AGBL4: variants seen among roughly 807,000 people sequenced by gnomAD.
AGBL4 encodes the protein cytosolic carboxypeptidase 6.
In AGBL4, 58 loss-of-function variants were observed where a neutral mutation model predicts 66.4. The observed-to-expected ratio is 0.87, with a 90% CI of 0.71 to 1.09. The LOEUF is 1.09. Among genes scored for constraint, AGBL4 ranks in the 50% least tolerant of loss-of-function variants. AGBL4 has a pLI of 0.00. For missense variants in AGBL4, 579 were observed against 631.0 expected (o/e 0.92, Z 0.88); for synonymous variants, 234 against 222.9 (o/e 1.05, Z -0.44).
intron 4 of AGBL4, among the ~76,000 whole-genome samples, chr1:49,092,771 TA>T (rs1361721065): frequency 6.6e-6 from 1 of 152,078 alleles, no homozygotes; most frequent in Non-Finnish European, 1.5e-5. Context: ...TAGAGCTTGG[TA>T]CAGAGAAAAT....
intron 9 of AGBL4, among the ~76,000 whole-genome samples, chr1:48,616,063 C>T (rs1410924061): frequency 1.3e-5 from 2 of 152,154 alleles, no homozygotes; most frequent in Non-Finnish European, 2.9e-5. Context: ...GCCCACCTCT[C>T]AATACAATTG....
intron 4 of AGBL4, among the ~76,000 whole-genome samples, chr1:49,219,445 C>T (rs1396628780): frequency 6.6e-6 from 1 of 151,968 alleles, no homozygotes; most frequent in Non-Finnish European, 1.5e-5. Context: ...ACAGTTTCAC[C>T]CCATATCATG....
At chr1:49,459,606 C>T (rs531813514) in intron 3 of AGBL4, among the ~76,000 whole-genome samples, 6 of 151,658 alleles carry the variant, frequency 4.0e-5, no homozygotes, top group African/African-American at 1.4e-4. Context: ...TTTCAAAGAA[C>T]CAGCTTTTTG....
intron 5 of AGBL4, among the ~76,000 whole-genome samples, chr1:49,006,495 C>T (rs867493921): frequency 2.0e-5 from 3 of 152,340 alleles, no homozygotes; most frequent in East Asian, 1.9e-4. Flanking sequence ...AACAAAGCAG[C>T]GGGGAAGCTC....
At chr1:49,352,113 C>A (rs139644862) in intron 3 of AGBL4, among the ~76,000 whole-genome samples, 1 of 152,158 alleles carries the variant, frequency 6.6e-6, no homozygotes, top group Admixed American at 6.5e-5. Context: ...CTTTAAGATC[C>A]GGCTTAAACC....
intron 4 of AGBL4, among the ~76,000 whole-genome samples, chr1:49,164,086 G>C (rs1646589514): frequency 6.6e-6 from 1 of 152,174 alleles, no homozygotes; most frequent in South Asian, 2.1e-4. Context: ...ATGTGTGTAG[G>C]AGGTGACAAG....
intron 2 of AGBL4, among the ~76,000 whole-genome samples, chr1:49,737,494 A>G (rs1649994808): frequency 6.6e-6 from 1 of 152,224 alleles, no homozygotes. Flanking sequence ...ACGCATGGAC[A>G]TAAAGATGGG....
intron 6 of AGBL4, among the ~76,000 whole-genome samples, chr1:48,697,328 T>G (rs1419586856): frequency 2.0e-5 from 3 of 151,842 alleles, no homozygotes; most frequent in African/African-American, 7.3e-5. Flanking sequence ...AGAATCCACT[T>G]TGTTCTTTCT....
chr1:49,159,535 T>G (rs1015343445), intron 4 of AGBL4, among the ~76,000 whole-genome samples: 4 of 152,146 alleles, frequency 2.6e-5, no homozygotes, highest in African/African-American at 9.7e-5. Context: ...CTGACGATTG[T>G]GTCTTGGGGT....
At position 48,967,110 on chromosome 1, in the gene AGBL4, AT is replaced by A. The variant is rs553938666; in HGVS notation, c.594+78473del. Among the ~76,000 whole-genome samples, 342 of 152,180 alleles carry A rather than the reference AT, an allele frequency of 2.2e-3. 2 individuals are homozygous for A. The highest frequency in any genetic ancestry group is 8.0e-3 in the African/African-American group (332 of 41,518). On this transcript the variant is annotated intron_variant, in intron 5 of 13. Transcript: ENST00000371839. Reference sequence around the variant, plus strand: ...ACTTCATTGGCAGAGTTTTCTAATAATTAGAATGTAATGGTAGAAAACTCAC... The same window carrying A: ...ACTTCATTGGCAGAGTTTTCTAATAATAGAATGTAATGGTAGAAAACTCAC...
chr1:49,825,684 A>C (rs1279167187), intron 2 of AGBL4, among the ~76,000 whole-genome samples: 1 of 152,196 alleles, frequency 6.6e-6, no homozygotes, highest in African/African-American at 2.4e-5. Context: ...CTTGAATAGA[A>C]CAAAAGACTG....
intron 3 of AGBL4, among the ~76,000 whole-genome samples, chr1:49,479,619 T>C (rs1646914168): frequency 2.0e-5 from 3 of 152,020 alleles, no homozygotes; most frequent in Admixed American, 2.0e-4. Flanking sequence ...ATCCATGTCA[T>C]GCAAAGGACA....
intron 1 of AGBL4, among the ~76,000 whole-genome samples, chr1:49,854,323 G>T (rs1025828276): frequency 6.6e-6 from 1 of 151,950 alleles, no homozygotes; most frequent in African/African-American, 2.4e-5. Context: ...AAAGGAGAGA[G>T]AAGTGAAGCA....
At chr1:48,659,544 A>G (rs141912834) in intron 7 of AGBL4, among the ~76,000 whole-genome samples, 1 of 152,348 alleles carries the variant, frequency 6.6e-6, no homozygotes, top group South Asian at 2.1e-4. Flanking sequence ...TCCCAGGAAG[A>G]GTCAGTGAAA....
intron 2 of AGBL4, among the ~76,000 whole-genome samples, chr1:49,733,910 T>C (rs968905127): frequency 2.6e-5 from 4 of 152,152 alleles, no homozygotes; most frequent in Admixed American, 6.6e-5. Context: ...CTAAATCCTT[T>C]AAAATATTGA....
intron 2 of AGBL4, among the ~76,000 whole-genome samples, chr1:49,701,621 GATA>G (rs1410192482): frequency 1.3e-5 from 2 of 151,944 alleles, no homozygotes; most frequent in African/African-American, 2.4e-5. Flanking sequence ...GCAGAATAAA[GATA>G]ATAATAAAGA....
intron 6 of AGBL4, among the ~76,000 whole-genome samples, chr1:48,694,850 T>A (rs907005366): frequency 2.6e-5 from 4 of 152,160 alleles, no homozygotes; most frequent in Non-Finnish European, 5.9e-5. Context: ...GAAAGTCATT[T>A]TTTGAATTCC....
chr1:48,796,802 T>A (rs1215898790), intron 6 of AGBL4, among the ~76,000 whole-genome samples: 1 of 152,206 alleles, frequency 6.6e-6, no homozygotes, highest in African/African-American at 2.4e-5. Flanking sequence ...ACACTATGAA[T>A]CCTGATCTTG....
intron 9 of AGBL4, among the ~76,000 whole-genome samples, chr1:48,612,011 G>A (rs536135236): frequency 6.6e-6 from 1 of 152,368 alleles, no homozygotes; most frequent in African/African-American, 2.4e-5. Flanking sequence ...CCTAGGAAGT[G>A]GAGGAGAGGG....
Sources: gnomAD v4.1 joint callset for allele counts (sites outside exome capture counted in the v4.1 genomes callset) on GRCh38, gnomAD v4.1.1 for gene constraint, MANE v1.5 for transcripts, NCBI Gene and HGNC (gene_info 2026-07-23, HGNC 2026-07-21) for gene names.